PLCH1: variants seen among roughly 807,000 people sequenced by gnomAD.
The protein encoded by PLCH1 is 1-phosphatidylinositol 4,5-bisphosphate phosphodiesterase eta-1.
In PLCH1, 60 loss-of-function variants were observed where a neutral mutation model predicts 126.7. That is an observed-to-expected ratio of 0.47 (90% CI 0.38 to 0.59). PLCH1 has a LOEUF of 0.59. Ranked by LOEUF, PLCH1 falls within the 20% of genes least tolerant of loss-of-function variation. The pLI is 0.00. For missense variants in PLCH1, 1,723 were observed against 2,040.0 expected (o/e 0.84, Z 2.99); for synonymous variants, 719 against 734.9 (o/e 0.98, Z 0.35).
At chr3:155,578,874 C>G (rs1418408179) in intron 6 of PLCH1, among the ~76,000 whole-genome samples, 1 of 152,126 alleles carries the variant, frequency 6.6e-6, no homozygotes. Context: ...TCTGAGCTTC[C>G]CCTGAAGCAG....
chr3:155,614,557 A>G (rs1173385163), intron 2 of PLCH1, among the ~76,000 whole-genome samples: 3 of 152,224 alleles, frequency 2.0e-5, no homozygotes, highest in Non-Finnish European at 4.4e-5. Context: ...TAGTTACCAA[A>G]ACAGCATAGT....
intron 10 of PLCH1, among the ~76,000 whole-genome samples, chr3:155,525,250 C>T (rs1345723678): frequency 6.6e-6 from 1 of 152,062 alleles, no homozygotes; most frequent in Non-Finnish European, 1.5e-5. Flanking sequence ...TGCTGGTGTC[C>T]CCCAAAATCC....
intron 1 of PLCH1, chr3:155,743,050 A>G (rs2109224305): frequency 3.6e-6 from 1 of 279,438 alleles, no homozygotes; most frequent in East Asian, 1.4e-4. Flanking sequence ...CCAATGTTAA[A>G]TAGCAACTAG....
chr3:155,638,565 A>T (rs1363119828), intron 2 of PLCH1, among the ~76,000 whole-genome samples: 1 of 152,210 alleles, frequency 6.6e-6, no homozygotes, highest in East Asian at 1.9e-4. Flanking sequence ...GATTTAGGCT[A>T]TGATTTTTCT....
chr3:155,514,923 AAC>A, intron 11 of PLCH1, 39 bp from the exon 12 acceptor site: 1 of 1,405,778 alleles, frequency 7.1e-7, no homozygotes, highest in Non-Finnish European at 9.7e-7. Flanking sequence ...TTCCTTAAGA[AAC>A]ACACCGAATT....
rs564197240 is a variant in PLCH1 at position 155,546,519 on chromosome 3, A to T, written c.1362+3268T>A. 3.3e-5 allele frequency among the ~76,000 whole-genome samples: 5 copies of T among 152,324 alleles called. No individual in the cohort carries two copies. The South Asian group carries it at 1.0e-3, about 32-fold the overall frequency. ...CATCAAGCTACCAATGACTTTCTTC[A>T]CAGAATTGGAAAAAACTACTTTAAA... On this transcript the variant is annotated intron_variant, in intron 10 of 22. Transcript: ENST00000460012.
chr3:155,564,200 T>C (rs985271611), intron 8 of PLCH1, among the ~76,000 whole-genome samples: 3 of 152,198 alleles, frequency 2.0e-5, no homozygotes, highest in Non-Finnish European at 1.5e-5. Flanking sequence ...TACTCCTGTA[T>C]ACTCACCACC....
intron 2 of PLCH1, among the ~76,000 whole-genome samples, chr3:155,652,476 GT>G (rs1186701830): frequency 2.0e-5 from 3 of 152,042 alleles, no homozygotes; most frequent in African/African-American, 7.2e-5. Context: ...TTTCTGTTTT[GT>G]TTTTTTGCGT....
At chr3:155,584,340 G>C (rs1382857397) in intron 5 of PLCH1, among the ~76,000 whole-genome samples, 3 of 152,188 alleles carry the variant, frequency 2.0e-5, no homozygotes, top group Non-Finnish European at 4.4e-5. Context: ...TTACCTATGA[G>C]AGAATCTCTC....
intron 2 of PLCH1, among the ~76,000 whole-genome samples, chr3:155,621,820 C>G (rs1424247138): frequency 6.6e-6 from 1 of 152,104 alleles, no homozygotes; most frequent in Non-Finnish European, 1.5e-5. Context: ...AGAATGGAAC[C>G]AAGTTGGAAA....
chr3:155,624,114 G>A (rs1342921642), intron 2 of PLCH1, among the ~76,000 whole-genome samples: 1 of 151,588 alleles, frequency 6.6e-6, no homozygotes, highest in Admixed American at 6.6e-5. Context: ...ATCAATAAAT[G>A]TAATCCATCA....
chr3:155,621,294 T>G (rs567087467), intron 2 of PLCH1, among the ~76,000 whole-genome samples: 86 of 152,184 alleles, frequency 5.7e-4, no homozygotes, highest in Non-Finnish European at 1.0e-3. Context: ...GATAAATACA[T>G]GAACAGGGGG....
chr3:155,526,387 CTCT>C (rs1721899957), intron 10 of PLCH1, among the ~76,000 whole-genome samples: 1 of 142,206 alleles, frequency 7.0e-6, no homozygotes. Flanking sequence ...CTCTCTCTCT[CTCT>C]TCTTTCTCTC....
rs540917271 is a variant in PLCH1 at position 155,544,492 on chromosome 3, A to C, written c.1362+5295T>G. Among the ~76,000 whole-genome samples the C allele has an allele frequency of 1.5e-4, 23 of 152,312 alleles. No individual in the cohort carries two copies. The East Asian group carries it at 2.9e-3, about 19-fold the overall frequency. ...AGACAGATCAACGAGACAGAAAGTT[A>C]ACAAGGATATCCAGGAATTGAAGTC... On this transcript the variant is annotated intron_variant, in intron 10 of 22. Transcript: ENST00000460012.
At chr3:155,526,703 C>T (rs529021052) in intron 10 of PLCH1, among the ~76,000 whole-genome samples, 1 of 152,302 alleles carries the variant, frequency 6.6e-6, no homozygotes, top group African/African-American at 2.4e-5. Context: ...CCAGAGGACA[C>T]CTTAATTACA....
intron 8 of PLCH1, among the ~76,000 whole-genome samples, chr3:155,562,163 C>G (rs1192332055): frequency 6.6e-6 from 1 of 152,154 alleles, no homozygotes; most frequent in East Asian, 1.9e-4. Context: ...AATTAAAACA[C>G]CATGTAGCCA....
intron 10 of PLCH1, among the ~76,000 whole-genome samples, chr3:155,545,182 G>A (rs1352375687): frequency 6.7e-4 from 101 of 151,092 alleles, no homozygotes; most frequent in East Asian, 1.2e-3. Context: ...TCAAATAGAC[G>A]CAATAAAAAA....
rs1479408223 is a variant in PLCH1 at position 155,488,081 on chromosome 3, G to C, written c.2566C>G (p.Leu856Val). Reference sequence around the variant, plus strand: ...TGTACAAATATGGATGCTTCTGTCAGTCCTTCCAAATAGACATGCCGGTAG... The same window carrying C: ...TGTACAAATATGGATGCTTCTGTCACTCCTTCCAAATAGACATGCCGGTAG... ...PGYRHVYLEG[L>V]TEASIFVHIT... Residue 856 changes from leucine to valine, a missense_variant, in exon 21 of 23, where the codon CTG becomes GTG. Around this residue, in one of 2 missense-constraint regions of PLCH1, gnomAD observed 776 missense variants for 1,062.9 expected, o/e 0.73. Coordinates refer to ENST00000460012, the MANE Select transcript of PLCH1 (RefSeq NM_014996.4). The C allele has an allele frequency of 6.2e-7, 1 of 1,608,448 alleles. No homozygotes were observed. The highest frequency in any genetic ancestry group is 8.5e-7 in the Non-Finnish European group (1 of 1,174,798).
At chr3:155,491,646 A>G (rs1212706173) in intron 18 of PLCH1, among the ~76,000 whole-genome samples, 1 of 152,224 alleles carries the variant, frequency 6.6e-6, no homozygotes. Flanking sequence ...CAAGCCAGAC[A>G]TAAAAGAGTA....
Sources: allele counts gnomAD v4.1 joint callset (sites outside exome capture counted in the v4.1 genomes callset), GRCh38; gene constraint gnomAD v4.1.1; regional missense constraint gnomAD v4.1.1; transcripts MANE v1.5; gene names NCBI Gene and HGNC (gene_info 2026-07-23, HGNC 2026-07-21).